The following RBFOX1 variants were observed in gnomAD, a reference collection of about 807,000 sequenced individuals.
RBFOX1 encodes RNA binding fox-1 homolog 1, also known as RNA binding protein fox-1 homolog 1.
A neutral mutation model predicts 57.7 loss-of-function variants in RBFOX1; 8 were observed. The observed-to-expected ratio is 0.14, with a 90% CI of 0.08 to 0.25. The LOEUF is 0.25. Among genes scored for constraint, RBFOX1 ranks in the 10% least tolerant of loss-of-function variants. RBFOX1 has a pLI of 1.00. For missense variants in RBFOX1, 611 were observed against 548.5 expected (o/e 1.11, Z -1.14); for synonymous variants, 326 against 222.4 (o/e 1.47, Z -4.15).
chr16:5,631,029 C>G (rs564719827), intron 3 of RBFOX1, among the ~76,000 whole-genome samples: 2 of 152,310 alleles, frequency 1.3e-5, no homozygotes, highest in African/African-American at 4.8e-5. Flanking sequence ...GCACTTGTAT[C>G]TAGAGGTTGT....
chr16:6,217,968 A>C (rs1458324211), intron 1 of RBFOX1, among the ~76,000 whole-genome samples: 1 of 152,196 alleles, frequency 6.6e-6, no homozygotes, highest in Non-Finnish European at 1.5e-5. Context: ...GTGAGCTGGG[A>C]TCCTGCCACT....
At position 7,395,382 on chromosome 16, in the gene RBFOX1, G is replaced by C. The variant is rs2098124001; in HGVS notation, c.28-122765G>C. On this transcript the variant is annotated intron_variant, in intron 4 of 15. Transcript: ENST00000550418. ...CTTACTACTAATTCCCCTTTTAGTG[G>C]AGATAAGCCGCTTTGTTCAGCTGTA... Among the ~76,000 whole-genome samples, 3 of 152,226 alleles carry C rather than the reference G, an allele frequency of 2.0e-5. No individual in the cohort carries two copies. In the South Asian group the frequency reaches 6.2e-4, roughly 32 times the overall value.
At chr16:6,899,019 C>CTGTA (rs1555597600) in intron 3 of RBFOX1, among the ~76,000 whole-genome samples, 3 of 150,370 alleles carry the variant, frequency 2.0e-5, no homozygotes, top group South Asian at 2.1e-4. Context: ...ATGCGCGTCT[C>CTGTA]TGTGTGTGTG....
chr16:7,440,043 C>T (rs1276723468), intron 4 of RBFOX1, among the ~76,000 whole-genome samples: 1 of 151,228 alleles, frequency 6.6e-6, no homozygotes, highest in African/African-American at 2.4e-5. Context: ...CCTCCATCTC[C>T]CGGGTTCAGG....
Position 7,293,109 on chromosome 16 carries a change from C to G in RBFOX1, c.28-225038C>G, listed in dbSNP as rs183721289. ...CAAGGATGTGATAGATACCGTTGAC[C>G]CTCCACGTCCTTGGGTTCTGCATCC... is the stretch of plus-strand genomic sequence containing the variant. On this transcript the variant is annotated intron_variant, in intron 4 of 15. Transcript: ENST00000550418. Among the ~76,000 whole-genome samples the G allele has an allele frequency of 4.1e-3, 624 of 152,234 alleles. 1 individual carries two copies. The highest frequency in any genetic ancestry group is 0.014 in the African/African-American group (581 of 41,544).
intron 11 of RBFOX1, among the ~76,000 whole-genome samples, chr16:7,632,213 C>T (rs1328324365): frequency 6.6e-6 from 1 of 152,150 alleles, no homozygotes; most frequent in Non-Finnish European, 1.5e-5. Context: ...CTGGCCCAGA[C>T]TATAATCTTT....
intron 4 of RBFOX1, among the ~76,000 whole-genome samples, chr16:7,150,112 A>T (rs2075828498): frequency 6.6e-6 from 1 of 152,076 alleles, no homozygotes; most frequent in East Asian, 1.9e-4. Context: ...CCTTGTGCTT[A>T]TTCCGGTCAT....
intron 4 of RBFOX1, among the ~76,000 whole-genome samples, chr16:7,200,584 A>C (rs2088105602): frequency 6.6e-6 from 1 of 152,338 alleles, no homozygotes; most frequent in South Asian, 2.1e-4. Context: ...AGGAGTTGTG[A>C]CAGAAACTGC....
intron 1 of RBFOX1, among the ~76,000 whole-genome samples, chr16:6,052,041 G>A (rs2095557490): frequency 6.6e-6 from 1 of 152,076 alleles, no homozygotes; most frequent in African/African-American, 2.4e-5. Context: ...TGCCAAACAA[G>A]CCTGTTTTAT....
chr16:6,982,248 C>T (rs753455730), intron 3 of RBFOX1, among the ~76,000 whole-genome samples: 1 of 152,166 alleles, frequency 6.6e-6, no homozygotes, highest in Non-Finnish European at 1.5e-5. Flanking sequence ...AATGTAGCTG[C>T]TTTCAATTTG....
At chr16:7,216,764 C>T (rs930059653) in intron 4 of RBFOX1, among the ~76,000 whole-genome samples, 1 of 152,102 alleles carries the variant, frequency 6.6e-6, no homozygotes, top group African/African-American at 2.4e-5. Context: ...GTTATAATTC[C>T]TCTTTTCATT....
chr16:7,164,617 T>C (rs929966141), intron 4 of RBFOX1, among the ~76,000 whole-genome samples: 1 of 152,220 alleles, frequency 6.6e-6, no homozygotes, highest in East Asian at 1.9e-4. Flanking sequence ...TAATAACGTG[T>C]AATTTCTTTT....
Position 6,885,520 on chromosome 16 carries a change from T to C in RBFOX1, c.-15-166537T>C, listed in dbSNP as rs145620932. Among the ~76,000 whole-genome samples, 914 of 145,880 alleles carry C rather than the reference T, an allele frequency of 6.3e-3. 14 individuals are homozygous for C. Among genetic ancestry groups the C allele is most frequent in the African/African-American group, 0.022 (862 of 38,738 alleles). On this transcript the variant is annotated intron_variant, in intron 3 of 15. Coordinates refer to ENST00000550418, the MANE Select transcript of RBFOX1 (RefSeq NM_018723.4). Reference sequence around the variant, plus strand: ...ATGGTGCATTAAATCTACTTCTGCATTTTATTTTTTTATTTTTTTTATTTT... The same window carrying C: ...ATGGTGCATTAAATCTACTTCTGCACTTTATTTTTTTATTTTTTTTATTTT...
intron 1 of RBFOX1, among the ~76,000 whole-genome samples, chr16:5,383,115 C>G (rs551244831): frequency 6.6e-6 from 1 of 152,184 alleles, no homozygotes; most frequent in African/African-American, 2.4e-5. Context: ...TTCCATCTGC[C>G]TAATTTCACA....
Position 6,974,187 on chromosome 16 carries a change from G to A in RBFOX1, c.-15-77870G>A, listed in dbSNP as rs148650615. Among the ~76,000 whole-genome samples, 490 of 152,078 alleles carry A rather than the reference G, an allele frequency of 3.2e-3. 3 individuals carry two copies. The East Asian group carries it at 0.036, about 11-fold the overall frequency. On this transcript the variant is annotated intron_variant, in intron 3 of 15. Coordinates refer to ENST00000550418, the MANE Select transcript of RBFOX1 (RefSeq NM_018723.4). Reference sequence around the variant, plus strand: ...TATTAATCCAGTCTATCATTGCTGAGCATTTGTTTTGATTCCATGTCTTTG... The same window carrying A: ...TATTAATCCAGTCTATCATTGCTGAACATTTGTTTTGATTCCATGTCTTTG...
intron 3 of RBFOX1, among the ~76,000 whole-genome samples, chr16:6,978,925 T>C (rs1438805316): frequency 6.6e-6 from 1 of 152,206 alleles, no homozygotes; most frequent in African/African-American, 2.4e-5. Context: ...CACAGAGGCC[T>C]GGGGACCACA....
At chr16:6,858,500 C>G (rs9922451) in intron 3 of RBFOX1, among the ~76,000 whole-genome samples, 77,534 of 151,998 alleles carry the variant, frequency 0.51, 21,378 homozygotes, top group African/African-American at 0.72. Flanking sequence ...GTAGAACATA[C>G]TCCTTGAAGC....
At chr16:6,523,282 G>C (rs138696554) in intron 2 of RBFOX1, among the ~76,000 whole-genome samples, 31 of 152,096 alleles carry the variant, frequency 2.0e-4, no homozygotes, top group African/African-American at 2.9e-4. Flanking sequence ...ACAGAGGGAG[G>C]GGGGGTTAGT....
chr16:7,221,984 G>A (rs1254107978), intron 4 of RBFOX1, among the ~76,000 whole-genome samples: 1 of 152,212 alleles, frequency 6.6e-6, no homozygotes, highest in Non-Finnish European at 1.5e-5. Context: ...TAGAACAGGA[G>A]AGAGGCAGCA....
Sources: gnomAD v4.1 joint callset for allele counts (sites outside exome capture counted in the v4.1 genomes callset) on GRCh38, gnomAD v4.1.1 for gene constraint, MANE v1.5 for transcripts, NCBI Gene and HGNC (gene_info 2026-07-23, HGNC 2026-07-21) for gene names.